KIAA1217: variants seen among roughly 807,000 people sequenced by gnomAD.
KIAA1217 encodes the protein sickle tail protein homolog.
In KIAA1217, 88 loss-of-function variants were observed where a neutral mutation model predicts 163.9. The observed-to-expected ratio is 0.54, with a 90% CI of 0.45 to 0.64. The LOEUF (loss-of-function observed/expected upper bound fraction) is 0.64, where lower values mean the gene tolerates loss of function less well. Among genes scored for constraint, KIAA1217 ranks in the 30% least tolerant of loss-of-function variants. The probability of loss-of-function intolerance (pLI) is 0.00; values close to 1 mark genes in which losing one functional copy is unlikely to be tolerated. For synonymous variants in KIAA1217, 903 were observed against 923.1 expected, an observed-to-expected ratio of 0.98 and a Z score of 0.39; for missense variants, 2,372 against 2,475.0, an observed-to-expected ratio of 0.96 and a Z score of 0.88.
chr10:24,156,714 C>T (rs933193585), intron 2 of KIAA1217, among the ~76,000 whole-genome samples: 8 of 152,202 alleles, frequency 5.3e-5, no homozygotes, highest in Non-Finnish European at 8.8e-5. Context: ...GGGGCAATCT[C>T]TACACCCTAG....
At chr10:24,500,268 G>A (rs183066397) in intron 8 of KIAA1217, among the ~76,000 whole-genome samples, 11 of 149,534 alleles carry the variant, frequency 7.4e-5, no homozygotes, top group East Asian at 4.0e-4. Context: ...GTGTGTGTGC[G>A]TGTGTGTGTG....
chr10:24,222,963 G>A (rs2069869783), intron 2 of KIAA1217, among the ~76,000 whole-genome samples: 1 of 152,214 alleles, frequency 6.6e-6, no homozygotes, highest in Non-Finnish European at 1.5e-5. Flanking sequence ...GACCATATAG[G>A]ATAATTTCCT....
At chr10:24,470,232 G>A (rs2063357089) in intron 5 of KIAA1217, among the ~76,000 whole-genome samples, 1 of 152,186 alleles carries the variant, frequency 6.6e-6, no homozygotes, top group African/African-American at 2.4e-5. Flanking sequence ...TGAAGGCAGA[G>A]TGAGAGAGGT....
intron 1 of KIAA1217, among the ~76,000 whole-genome samples, chr10:23,722,505 C>G (rs1394096226): frequency 6.6e-6 from 1 of 152,078 alleles, no homozygotes; most frequent in Non-Finnish European, 1.5e-5. Flanking sequence ...GAGAAAAAAT[C>G]CTTGCCTTTA....
At chr10:24,374,172 T>A (rs375590613) in intron 2 of KIAA1217, among the ~76,000 whole-genome samples, 2 of 152,310 alleles carry the variant, frequency 1.3e-5, no homozygotes, top group Admixed American at 6.5e-5. Flanking sequence ...TTCCCCTTTA[T>A]CTAAGTCAGG....
At chr10:23,803,771 T>C (rs1432935610) in intron 1 of KIAA1217, among the ~76,000 whole-genome samples, 2 of 152,224 alleles carry the variant, frequency 1.3e-5, no homozygotes, top group South Asian at 4.1e-4. Context: ...TAGGTCTTTT[T>C]TGTTGCATCT....
chr10:23,724,390 T>A (rs1336084567), intron 1 of KIAA1217, among the ~76,000 whole-genome samples: 1 of 152,238 alleles, frequency 6.6e-6, no homozygotes, highest in Non-Finnish European at 1.5e-5. Flanking sequence ...TTTTTCATTG[T>A]GTTATTAATT....
At chr10:24,258,441 A>G (rs1164522316) in intron 2 of KIAA1217, among the ~76,000 whole-genome samples, 1 of 152,148 alleles carries the variant, frequency 6.6e-6, no homozygotes, top group Non-Finnish European at 1.5e-5. Flanking sequence ...AATGTGTAAC[A>G]GATACACCCT....
At chr10:24,212,506 A>C (rs2068269363) in intron 1 of KIAA1217, among the ~76,000 whole-genome samples, 1 of 152,206 alleles carries the variant, frequency 6.6e-6, no homozygotes, top group East Asian at 1.9e-4. Context: ...GAGGCAGTCC[A>C]GCATCTAGAG....
intron 1 of KIAA1217, among the ~76,000 whole-genome samples, chr10:23,800,253 C>T (rs942154400): frequency 4.6e-5 from 7 of 152,044 alleles, no homozygotes; most frequent in African/African-American, 1.7e-4. Flanking sequence ...GACTTTTTTC[C>T]TCAGTGGATT....
intron 12 of KIAA1217, among the ~76,000 whole-genome samples, chr10:24,523,443 G>C (rs1279821688): frequency 2.0e-5 from 3 of 152,128 alleles, no homozygotes; most frequent in Non-Finnish European, 4.4e-5. Flanking sequence ...GCAAAAGAAA[G>C]AGCACTGAGT....
chr10:24,044,832 C>T (rs1848878097), intron 2 of KIAA1217, among the ~76,000 whole-genome samples: 1 of 152,104 alleles, frequency 6.6e-6, no homozygotes, highest in Non-Finnish European at 1.5e-5. Flanking sequence ...TCCTCAGCAT[C>T]TCTATCCTCC....
intron 2 of KIAA1217, among the ~76,000 whole-genome samples, chr10:24,160,918 A>T (rs1033936348): frequency 6.6e-6 from 1 of 152,200 alleles, no homozygotes; most frequent in Non-Finnish European, 1.5e-5. Flanking sequence ...AAGTGTTTGA[A>T]TTTAATAGCA....
At chr10:24,103,981 T>G (rs1589511062) in intron 2 of KIAA1217, among the ~76,000 whole-genome samples, 1 of 152,012 alleles carries the variant, frequency 6.6e-6, no homozygotes, top group African/African-American at 2.4e-5. Flanking sequence ...GTGATATTTT[T>G]GGCTGTGTCC....
chr10:23,857,446 T>G (rs920847119), intron 1 of KIAA1217, among the ~76,000 whole-genome samples: 23 of 152,328 alleles, frequency 1.5e-4, no homozygotes, highest in African/African-American at 5.1e-4. Context: ...AAGCAGGCCC[T>G]GTCATTAATA....
rs187229884 is a variant in KIAA1217, at chr10:24,470,760, C to G, written c.847-2468C>G. Among the ~76,000 whole-genome samples the G allele has an allele frequency of 1.9e-3, 295 of 152,234 alleles. 3 individuals are homozygous for G. Among genetic ancestry groups the G allele is most frequent in the African/African-American group, 6.5e-3 (269 of 41,534 alleles). On this transcript the variant is annotated intron_variant, in intron 5 of 20. Coordinates refer to ENST00000376454, the MANE Select transcript of KIAA1217 (RefSeq NM_019590.5). ...AGGTCATGTATTCAAAAAGGGCTCC[C>G]TTTTGTTGCTACATATTAGCACCTT...
At chr10:24,280,910 G>T (rs892455361) in intron 2 of KIAA1217, among the ~76,000 whole-genome samples, 2 of 151,948 alleles carry the variant, frequency 1.3e-5, no homozygotes, top group Non-Finnish European at 2.9e-5. Flanking sequence ...TCTAGAGAAA[G>T]TTGGGTTTAT....
At chr10:23,960,579 G>A (rs1007186681) in intron 1 of KIAA1217, among the ~76,000 whole-genome samples, 1 of 152,206 alleles carries the variant, frequency 6.6e-6, no homozygotes, top group African/African-American at 2.4e-5. Context: ...AACAGAGTTG[G>A]AGATCAATCA....
chr10:23,953,737 G>C (rs1844440317), intron 1 of KIAA1217, among the ~76,000 whole-genome samples: 1 of 152,162 alleles, frequency 6.6e-6, no homozygotes, highest in African/African-American at 2.4e-5. Flanking sequence ...TAGCATACCT[G>C]GCACAGAATA....
Sources: allele counts gnomAD v4.1 joint callset (sites outside exome capture counted in the v4.1 genomes callset), GRCh38; gene constraint gnomAD v4.1.1; transcripts MANE v1.5; gene names NCBI Gene and HGNC (gene_info 2026-07-23, HGNC 2026-07-21).